The following NLGN1 variants were observed in gnomAD, a reference collection of about 807,000 sequenced individuals.
NLGN1 encodes neuroligin 1, also known as neuroligin-1.
A neutral mutation model predicts 65.5 loss-of-function variants in NLGN1; 12 were observed. The ratio of observed to expected loss-of-function variants is 0.18; its 90% confidence interval spans 0.12 to 0.30. NLGN1 has a LOEUF of 0.30. Among genes scored for constraint, NLGN1 ranks in the 10% least tolerant of loss-of-function variants. The pLI is 1.00. For synonymous variants in NLGN1, 350 were observed against 359.5 expected (o/e 0.97, Z 0.30); for missense variants, 750 against 1,007.1 (o/e 0.74, Z 3.46).
chr3:174,217,581 T>C (rs1225572795), intron 4 of NLGN1, among the ~76,000 whole-genome samples: 1 of 152,078 alleles, frequency 6.6e-6, no homozygotes, highest in Admixed American at 6.6e-5. Flanking sequence ...ATCCCTTTTA[T>C]AAGAGCTCTA....
chr3:173,786,151 G>T (rs1349515210), intron 3 of NLGN1, among the ~76,000 whole-genome samples: 1 of 152,046 alleles, frequency 6.6e-6, no homozygotes, highest in Non-Finnish European at 1.5e-5. Flanking sequence ...GCACATTCAT[G>T]TTGGAGAAGC....
intron 4 of NLGN1, among the ~76,000 whole-genome samples, chr3:174,141,831 G>A (rs1722339595): frequency 6.6e-6 from 1 of 152,082 alleles, no homozygotes; most frequent in African/African-American, 2.4e-5. Flanking sequence ...AACAGGATAT[G>A]ATACAGAAGG....
intron 3 of NLGN1, chr3:173,644,528 C>A (rs541858844): frequency 1.8e-5 from 3 of 165,740 alleles, no homozygotes; most frequent in South Asian, 1.8e-4. Context: ...CAACACCTGC[C>A]TCTGGAAGTA....
chr3:173,797,799 A>T (rs1291908592), intron 3 of NLGN1, among the ~76,000 whole-genome samples: 1 of 152,060 alleles, frequency 6.6e-6, no homozygotes, highest in South Asian at 2.1e-4. Flanking sequence ...TTCTCTACAT[A>T]TGCCCTCAAC....
chr3:173,993,605 C>T (rs1321645024), intron 4 of NLGN1, among the ~76,000 whole-genome samples: 1 of 151,720 alleles, frequency 6.6e-6, no homozygotes, highest in African/African-American at 2.4e-5. Context: ...CTTTTGGATA[C>T]TTTGGCCTTA....
At chr3:174,259,446 ACTCT>A (rs922136674) in intron 4 of NLGN1, among the ~76,000 whole-genome samples, 3 of 143,566 alleles carry the variant, frequency 2.1e-5, no homozygotes, top group Non-Finnish European at 3.1e-5. Context: ...TTTTTTTTCT[ACTCT>A]CTTTTTTCGA....
At chr3:174,215,926 T>A (rs1222209989) in intron 4 of NLGN1, among the ~76,000 whole-genome samples, 2 of 151,950 alleles carry the variant, frequency 1.3e-5, no homozygotes, top group Non-Finnish European at 2.9e-5. Flanking sequence ...CTAAACCTCC[T>A]CTCCCCACAG....
At chr3:173,572,668 G>T (rs1744837324) in intron 2 of NLGN1, among the ~76,000 whole-genome samples, 1 of 152,178 alleles carries the variant, frequency 6.6e-6, no homozygotes, top group Non-Finnish European at 1.5e-5. Flanking sequence ...TTTCGAGCCA[G>T]TGCCCTTTCC....
At chr3:173,907,262 C>T (rs1738601888) in intron 4 of NLGN1, among the ~76,000 whole-genome samples, 1 of 152,174 alleles carries the variant, frequency 6.6e-6, no homozygotes, top group South Asian at 2.1e-4. Flanking sequence ...ATATTTTCCT[C>T]AGCAACTCCT....
chr3:173,622,497 A>G lies in NLGN1; in HGVS notation c.493+17406A>G, dbSNP rs558920629. 3.3e-5 allele frequency among the ~76,000 whole-genome samples: 5 copies of G among 152,230 alleles called. No individual in the cohort carries two copies. In the East Asian group the frequency reaches 9.7e-4, roughly 29 times the overall value. Reference sequence around the variant, plus strand: ...TAAAAGGAATGGCAAGGACATCTGGAAAGATCAGAGCATGATAGAATGCCC... The same window carrying G: ...TAAAAGGAATGGCAAGGACATCTGGGAAGATCAGAGCATGATAGAATGCCC... On this transcript the variant is annotated intron_variant, in intron 3 of 6. Transcript: ENST00000457714.
chr3:173,605,361 A>G (rs548845829), intron 3 of NLGN1, among the ~76,000 whole-genome samples, 173 bp from the exon 3 acceptor site: 5 of 152,154 alleles, frequency 3.3e-5, no homozygotes, highest in African/African-American at 1.2e-4. Flanking sequence ...CTACCAAATG[A>G]CTTCTGAGAA....
At chr3:173,936,965 A>G (rs1262068181) in intron 4 of NLGN1, among the ~76,000 whole-genome samples, 1 of 152,114 alleles carries the variant, frequency 6.6e-6, no homozygotes, top group Non-Finnish European at 1.5e-5. Context: ...GCATGTAAAA[A>G]GCATATAAAA....
At chr3:174,185,415 G>T (rs1259813502) in intron 4 of NLGN1, among the ~76,000 whole-genome samples, 3 of 152,024 alleles carry the variant, frequency 2.0e-5, no homozygotes, top group African/African-American at 7.2e-5. Context: ...CTTGAAATGT[G>T]GCTGATGTGA....
chr3:174,055,396 T>C (rs1735840982), intron 4 of NLGN1, among the ~76,000 whole-genome samples: 2 of 151,896 alleles, frequency 1.3e-5, no homozygotes, highest in South Asian at 2.1e-4. Context: ...GAACAACATA[T>C]TTTAGGCTGC....
chr3:173,430,724 T>G (rs184652502), intron 1 of NLGN1, among the ~76,000 whole-genome samples: 56 of 152,332 alleles, frequency 3.7e-4, no homozygotes, highest in African/African-American at 1.2e-3. Flanking sequence ...TTAAATGAGT[T>G]CTCACTCTTA....
At chr3:173,665,485 C>T (rs1275199017) in intron 3 of NLGN1, among the ~76,000 whole-genome samples, 1 of 152,050 alleles carries the variant, frequency 6.6e-6, no homozygotes, top group Non-Finnish European at 1.5e-5. Context: ...GGCAGAATGG[C>T]ACAACTGTCG....
intron 2 of NLGN1, among the ~76,000 whole-genome samples, chr3:173,451,337 T>A (rs1432501668): frequency 6.6e-6 from 1 of 152,178 alleles, no homozygotes. Context: ...CCAGACCCTG[T>A]TTGCCTGGGT....
chr3:174,034,839 A>G (rs1730780257), intron 4 of NLGN1, among the ~76,000 whole-genome samples: 2 of 152,200 alleles, frequency 1.3e-5, no homozygotes, highest in African/African-American at 2.4e-5. Flanking sequence ...CTTGATATCA[A>G]TAATCATTTT....
intron 4 of NLGN1, among the ~76,000 whole-genome samples, chr3:173,950,826 C>T (rs1302339374): frequency 6.6e-6 from 1 of 151,054 alleles, no homozygotes. Flanking sequence ...AAAAAAAGGT[C>T]CTAAATAATA....
Sources: gnomAD v4.1 joint callset for allele counts (sites outside exome capture counted in the v4.1 genomes callset) on GRCh38, gnomAD v4.1.1 for gene constraint, MANE v1.5 for transcripts, NCBI Gene and HGNC (gene_info 2026-07-23, HGNC 2026-07-21) for gene names.